Variants in CYP2W1 observed in about 807,000 individuals in gnomAD.
CYP2W1 encodes the protein cytochrome P450 family 2 subfamily W member 1, also known as cytochrome P450 2W1.
CYP2W1 carries 51 observed loss-of-function variants against 44.9 expected under a neutral mutation model. That is an observed-to-expected ratio of 1.14 (90% CI 0.91 to 1.43). The LOEUF (loss-of-function observed/expected upper bound fraction) is 1.43, where lower values mean the gene tolerates loss of function less well. Among genes scored for constraint, CYP2W1 ranks in the 40% most tolerant of loss-of-function variants. The probability of loss-of-function intolerance (pLI) is 0.00; values close to 1 mark genes in which losing one functional copy is unlikely to be tolerated. For missense variants in CYP2W1, 746 were observed against 700.0 expected (o/e 1.07, Z -0.74); for synonymous variants, 383 against 338.3 (o/e 1.13, Z -1.45).
At position 988,630 on chromosome 7, in the gene CYP2W1, C is replaced by A. The variant is rs185959965; in HGVS notation, c.1286-5C>A. The A allele has an allele frequency of 6.2e-7, 1 of 1,602,978 alleles. No individual in the cohort carries two copies. The highest frequency in any genetic ancestry group is 8.5e-7 in the Non-Finnish European group (1 of 1,179,188). Reference sequence around the variant, plus strand: ...GCCCACTCTGTGCCTGGACATCCCCCGCAGGCCGCCGCGTCTGTGTTGGGG... The same window carrying A: ...GCCCACTCTGTGCCTGGACATCCCCAGCAGGCCGCCGCGTCTGTGTTGGGG... On this transcript the variant is annotated splice_polypyrimidine_tract_variant and splice_region_variant and intron_variant, in intron 8 of 8. Transcript: ENST00000308919.
chr7:987,910 T>C (rs1442682367), intron 7 of CYP2W1, among the ~76,000 whole-genome samples: 4 of 142,356 alleles, frequency 2.8e-5, no homozygotes, highest in Non-Finnish European at 4.5e-5. Flanking sequence ...CCTCTGTGTG[T>C]CCTGGGGATC....
chr7:988,608 C>T, intron 8 of CYP2W1, 27 bp from the exon 9 acceptor site: 2 of 1,603,606 alleles, frequency 1.2e-6, no homozygotes, highest in South Asian at 2.2e-5. Flanking sequence ...TGGTGCAGCC[C>T]ACTCTGTGCC....
At chr7:985,797 T>C (rs959739960) in intron 4 of CYP2W1, among the ~76,000 whole-genome samples, 5 of 152,232 alleles carry the variant, frequency 3.3e-5, no homozygotes, top group Non-Finnish European at 5.9e-5. Flanking sequence ...TGGTATTTGA[T>C]GTGCGTTTAC....
intron 1 of CYP2W1, 126 bp downstream of exon 1, chr7:983,511 G>T: frequency 1.0e-6 from 1 of 984,366 alleles, no homozygotes; most frequent in African/African-American, 1.7e-5. Context: ...AGCGGGGCAC[G>T]CAGGAGGCCG....
chr7:986,312 A>G (rs1256037462), intron 4 of CYP2W1: 3 of 396,320 alleles, frequency 7.6e-6, no homozygotes, highest in Non-Finnish European at 1.4e-5. Context: ...TCTGTCTTCC[A>G]TTCCATGACT....
chr7:988,366 G>A lies in CYP2W1; in HGVS notation c.1233G>A (p.Leu411=), dbSNP rs1365604577. Reference sequence around the variant, plus strand: ...GCCAGTTCAACCCCGGCCATTTCCTGGACGCGAATGGGCACTTTGTGAAGC... The same window carrying A: ...GCCAGTTCAACCCCGGCCATTTCCTAGACGCGAATGGGCACTTTGTGAAGC... The part of the protein sequence containing the change: ...TPGQFNPGHF[L]DANGHFVKRE... Residue 411 remains leucine, a synonymous_variant, in exon 8 of 9, where the codon CTG becomes CTA. Coordinates refer to ENST00000308919, the MANE Select transcript of CYP2W1 (RefSeq NM_017781.3). The A allele has an allele frequency of 1.2e-6, 2 of 1,612,700 alleles. No homozygotes were observed. The highest frequency in any genetic ancestry group is 1.7e-6 in the Non-Finnish European group (2 of 1,179,820).
rs369348288 is a variant in CYP2W1 at position 985,169 on chromosome 7, G to A, written c.491G>A (p.Arg164Gln). Reference protein sequence around the residue: ...LSGQLDGYRGRPFPLALLGWA... With the variant: ...LSGQLDGYRGQPFPLALLGWA... Reference sequence around the variant, plus strand: ...CTGAGGCCCGTCTCCCTCGCAGGCCGGCCCTTCCCGCTGGCCCTACTGGGC... The same window carrying A: ...CTGAGGCCCGTCTCCCTCGCAGGCCAGCCCTTCCCGCTGGCCCTACTGGGC... Residue 164 changes from arginine to glutamine, a missense_variant, in exon 4 of 9, where the codon CGG (arginine) becomes CAG (glutamine). Transcript: ENST00000308919. 1.3e-5 allele frequency: 20 copies of A among 1,580,892 alleles called. No individual in the cohort carries two copies. Among genetic ancestry groups the A allele is most frequent in the South Asian group, 2.3e-5 (2 of 87,670 alleles).
chr7:986,409 G>A lies in CYP2W1; in HGVS notation c.646-215G>A, dbSNP rs1848347199. 40 of 599,042 alleles carry A rather than the reference G, an allele frequency of 6.7e-5. No individual in the cohort carries two copies. The South Asian group carries it at 7.6e-4, about 11-fold the overall frequency. 37.1% of individuals were successfully genotyped at this position (599,042 alleles called of 1,614,324 possible). The stretch of plus-strand genomic sequence containing the variant: ...GAAGGAGGTCCTGCTGTGCAAACCT[G>A]CCTGGCTGTCCCCTTCCGGGACACG... On this transcript the variant is annotated intron_variant, in intron 4 of 8. Transcript: ENST00000308919.
rs963851071 is a variant in CYP2W1, at chr7:986,852, C to G, written c.819+55C>G. ...GCCTGTAGGGGTCCTGAGGGACACC[C>G]CAGGGGAGCACGGCTGGGGAGGGGT... On this transcript the variant is annotated intron_variant, in intron 5 of 8. Transcript: ENST00000308919. 9 of 1,447,170 alleles carry G rather than the reference C, an allele frequency of 6.2e-6. No individual in the cohort carries two copies. The Admixed American group carries it at 8.0e-5, about 13-fold the overall frequency. The allele number at this position is 1,447,170 out of a possible 1,614,324, so 89.6% of individuals were successfully genotyped here.
Position 983,367 on chromosome 7 carries a change from G to A in CYP2W1, c.156G>A (p.Gln52=). The change falls in exon 1 of 9, where the codon CAG becomes CAA. Residue 52 remains glutamine (Q), a synonymous_variant. Coordinates refer to ENST00000308919, the MANE Select transcript of CYP2W1 (RefSeq NM_017781.3). ...GNLHLLRLSQ[Q]DRSLMELSER... ...TGCACTTGCTGCGTCTGTCGCAACA[G>A]GACCGGTCCCTGATGGAGGTAAGTC... 6.5e-7 allele frequency: 1 copy of A among 1,526,760 alleles called. No individual in the cohort carries two copies. The highest frequency in any genetic ancestry group is 8.8e-7 in the Non-Finnish European group (1 of 1,137,484). The allele number at this position is 1,526,760 out of a possible 1,614,324, so 94.6% of individuals were successfully genotyped here.
rs774470425 is a variant in CYP2W1 at position 988,350 on chromosome 7, A to G, written c.1217A>G (p.Asn406Ser). 2.9e-5 allele frequency: 47 copies of G among 1,612,164 alleles called. No individual in the cohort carries two copies. The Admixed American group carries it at 7.8e-4, about 27-fold the overall frequency. ...CAGTGGCAGACCCCAGGCCAGTTCA[A>G]CCCCGGCCATTTCCTGGACGCGAAT... Reference protein sequence around the residue: ...ETQWQTPGQFNPGHFLDANGH... With the variant: ...ETQWQTPGQFSPGHFLDANGH... Residue 406 changes from asparagine to serine, a missense_variant, in exon 8 of 9, where the codon AAC becomes AGC. Coordinates refer to ENST00000308919, the MANE Select transcript of CYP2W1 (RefSeq NM_017781.3).
rs202213520 is a variant in CYP2W1 at position 988,267 on chromosome 7, GC to G, written c.1144-5del. On this transcript the variant is annotated splice_polypyrimidine_tract_variant and intron_variant, in intron 7 of 8. Transcript: ENST00000308919. ...GGGCCCCTCTCTCTGTGCCCCGGCTGCCCCCACAGGGCACGCCCGTGATTCC... is the reference window on the plus strand; with the variant it reads ...GGGCCCCTCTCTCTGTGCCCCGGCTGCCCCACAGGGCACGCCCGTGATTCC... 7,415 of 1,566,800 alleles carry G rather than the reference GC, an allele frequency of 4.7e-3. 613 individuals are homozygous for G. The Admixed American group carries it at 0.12, about 26-fold the overall frequency.
chr7:986,805 G>C lies in CYP2W1; in HGVS notation c.819+8G>C. 1.3e-6 allele frequency: 2 copies of C among 1,539,068 alleles called. No homozygotes were observed. Among genetic ancestry groups the C allele is most frequent in the South Asian group, 2.5e-5 (2 of 79,918 alleles). On this transcript the variant is annotated splice_region_variant and intron_variant, in intron 5 of 8. Transcript: ENST00000308919. ...CTGATCCAGCAGGGACAGGTGTGTC[G>C]GGACCCAAGACCTCCTTGAAGGCCT...
At position 986,674 on chromosome 7, in the gene CYP2W1, C is replaced by T. The variant is rs376375855; in HGVS notation, c.696C>T (p.Pro232=). 361 of 1,612,574 alleles carry T rather than the reference C, an allele frequency of 2.2e-4. No individual in the cohort carries two copies. Among genetic ancestry groups the T allele is most frequent in the Non-Finnish European group, 2.9e-4 (339 of 1,179,894 alleles). The change falls in exon 5 of 9, where the codon CCC becomes CCT. Residue 232 remains proline, a synonymous_variant. Coordinates refer to ENST00000308919, the MANE Select transcript of CYP2W1 (RefSeq NM_017781.3). Reference sequence around the variant, plus strand: ...GGGCCCTGCTCCAGCTGCACCGGCCCGTCCTGCGCAAGATCGAGGAGGTCC... The same window carrying T: ...GGGCCCTGCTCCAGCTGCACCGGCCTGTCCTGCGCAAGATCGAGGAGGTCC... ...WLGALLQLHR[P]VLRKIEEVRA...
rs745629595 is a variant in CYP2W1 at position 985,285 on chromosome 7, G to A, written c.607G>A (p.Asp203Asn). 19 of 1,551,526 alleles carry A rather than the reference G, an allele frequency of 1.2e-5. No homozygotes were observed. Among genetic ancestry groups the A allele is most frequent in the South Asian group, 5.9e-5 (5 of 84,150 alleles). ...GTTTGTGTCCCTGCTGGGTCTCATC[G>A]ATGAGGTCATGGTCCTCTTGGGGTC... is the stretch of plus-strand genomic sequence containing the variant. ...PVFVSLLGLI[D>N]EVMVLLGSPG... Residue 203 changes from aspartate to asparagine, a missense_variant, in exon 4 of 9, where the codon GAT (aspartate) becomes AAT (asparagine). Transcript: ENST00000308919.
Position 987,501 on chromosome 7 carries a change from C to G in CYP2W1, c.1113C>G (p.Asp371Glu), listed in dbSNP as rs777045679. The G allele has an allele frequency of 6.5e-7, 1 of 1,542,910 alleles. No homozygotes were observed. The highest frequency in any genetic ancestry group is 8.7e-7 in the Non-Finnish European group (1 of 1,150,028). The change falls in exon 7 of 9, where the codon GAC becomes GAG. Residue 371 changes from aspartate to glutamate, a missense_variant. Transcript: ENST00000308919. Reference protein sequence around the residue: ...LPHVPRCTAADTQLGGFLLPK... With the variant: ...LPHVPRCTAAETQLGGFLLPK... ...ACGTGCCCCGCTGCACCGCGGCCGA[C>G]ACACAGCTGGGCGGCTTCCTGCTCC...
rs555957486 is a variant in CYP2W1, at chr7:987,583, C to T, written c.1143+52C>T. On this transcript the variant is annotated intron_variant, in intron 7 of 8. Transcript: ENST00000308919. ...CCATCTCCTCTGGGGTAGGCCTCGG[C>T]GGGGGTCCAGGGGCACTGGGACGGC... 39 of 1,445,702 alleles carry T rather than the reference C, an allele frequency of 2.7e-5. No individual in the cohort carries two copies. The East Asian group carries it at 5.3e-4, about 20-fold the overall frequency. 89.6% of individuals were successfully genotyped at this position (1,445,702 alleles called of 1,614,324 possible). A position where few individuals can be genotyped will look rare whatever the true frequency, so the allele number is the denominator to read the frequency against.
chr7:988,585 C>G, intron 8 of CYP2W1, 50 bp from the exon 9 acceptor site: 1 of 1,599,176 alleles, frequency 6.3e-7, no homozygotes, highest in Non-Finnish European at 8.5e-7. Context: ...CCCCTCCCCT[C>G]CAGGAGCAGG....
At chr7:986,578 C>A (rs750343381) in intron 4 of CYP2W1, 46 bp from the exon 5 acceptor site, 1 of 1,603,340 alleles carries the variant, frequency 6.2e-7, no homozygotes, top group South Asian at 1.1e-5. Flanking sequence ...CAGCGTGCAG[C>A]CCTGGGGCTG....
Sources: gnomAD v4.1 joint callset for allele counts (sites outside exome capture counted in the v4.1 genomes callset) on GRCh38, gnomAD v4.1.1 for gene constraint, MANE v1.5 for transcripts, NCBI Gene and HGNC (gene_info 2026-07-23, HGNC 2026-07-21) for gene names.